The following GNA14 variants were observed in gnomAD, a reference collection of about 807,000 sequenced individuals.
The protein encoded by GNA14 is G protein subunit alpha 14.
Under a neutral mutation model 42.0 loss-of-function variants are expected in GNA14, and 50 were observed. The observed-to-expected ratio is 1.19, with a 90% confidence interval of 0.95 to 1.51. The LOEUF (loss-of-function observed/expected upper bound fraction) is 1.51, where lower values mean the gene tolerates loss of function less well. Among genes scored for constraint, GNA14 ranks in the 40% most tolerant of loss-of-function variants. The pLI is 0.00. For synonymous variants in GNA14, 173 were observed against 163.1 expected (o/e 1.06, Z -0.46); for missense variants, 473 against 446.2 (o/e 1.06, Z -0.54).
At chr9:77,549,280 C>A (rs1837761628) in intron 1 of GNA14, among the ~76,000 whole-genome samples, 1 of 152,158 alleles carries the variant, frequency 6.6e-6, no homozygotes, top group South Asian at 2.1e-4. Context: ...CAACACAAGC[C>A]CTCCCAAGTG....
At chr9:77,613,801 G>A (rs1385426508) in intron 1 of GNA14, among the ~76,000 whole-genome samples, 1 of 152,188 alleles carries the variant, frequency 6.6e-6, no homozygotes, top group African/African-American at 2.4e-5. Flanking sequence ...TGTGCGATGT[G>A]CTAATGATTT....
At chr9:77,537,356 C>A (rs1470796468) in intron 1 of GNA14, among the ~76,000 whole-genome samples, 2 of 152,120 alleles carry the variant, frequency 1.3e-5, no homozygotes, top group African/African-American at 4.8e-5. Flanking sequence ...CCTGGCTTAT[C>A]CCACTTAACA....
chr9:77,603,958 A>C (rs1484933793), intron 1 of GNA14, among the ~76,000 whole-genome samples: 21 of 22,184 alleles, frequency 9.5e-4, no homozygotes, highest in East Asian at 7.8e-3. Flanking sequence ...AAAAAAAACA[A>C]AAAAAAAAAA....
chr9:77,457,787 A>C (rs1836029253), intron 2 of GNA14, among the ~76,000 whole-genome samples: 1 of 152,208 alleles, frequency 6.6e-6, no homozygotes, highest in Non-Finnish European at 1.5e-5. Flanking sequence ...GTTTTGTAGT[A>C]GTTCTCCCTC....
chr9:77,539,937 C>A (rs925949787), intron 1 of GNA14, among the ~76,000 whole-genome samples: 10 of 151,876 alleles, frequency 6.6e-5, no homozygotes, highest in African/African-American at 2.4e-4. Context: ...TTCAAATAAC[C>A]AACTTTTCAT....
intron 1 of GNA14, among the ~76,000 whole-genome samples, chr9:77,568,498 AAAAAAAAGAAAG>A (rs1169397494): frequency 6.6e-6 from 1 of 151,996 alleles, no homozygotes; most frequent in African/African-American, 2.4e-5. Context: ...TCTCAAAAAA[AAAAAAAAGAAAG>A]AAAGAAAGAA....
intron 2 of GNA14, among the ~76,000 whole-genome samples, chr9:77,451,524 T>G (rs920146798): frequency 6.6e-6 from 1 of 152,198 alleles, no homozygotes; most frequent in Non-Finnish European, 1.5e-5. Flanking sequence ...CCTGAAAATC[T>G]TGAGGATGAC....
At chr9:77,623,487 G>A (rs1177964555) in intron 1 of GNA14, among the ~76,000 whole-genome samples, 1 of 152,106 alleles carries the variant, frequency 6.6e-6, no homozygotes, top group East Asian at 1.9e-4. Flanking sequence ...TGGCAAGATG[G>A]CTGAATAGGA....
chr9:77,432,247 G>A (rs539614460), intron 3 of GNA14, among the ~76,000 whole-genome samples: 9 of 152,246 alleles, frequency 5.9e-5, no homozygotes, highest in South Asian at 4.1e-4. Context: ...TCCCAGCACC[G>A]CATCAGGGGC....
chr9:77,567,966 T>C (rs1456277255), intron 1 of GNA14, among the ~76,000 whole-genome samples: 2 of 152,210 alleles, frequency 1.3e-5, no homozygotes, highest in East Asian at 1.9e-4. Context: ...TGCCTATGTT[T>C]GGCCCAAAAG....
At chr9:77,546,947 G>C (rs976729095) in intron 1 of GNA14, among the ~76,000 whole-genome samples, 3 of 152,138 alleles carry the variant, frequency 2.0e-5, no homozygotes, top group Non-Finnish European at 2.9e-5. Context: ...AGCATCCTTT[G>C]CATTCTCCAG....
At chr9:77,587,835 G>A (rs777264527) in intron 1 of GNA14, among the ~76,000 whole-genome samples, 1 of 152,134 alleles carries the variant, frequency 6.6e-6, no homozygotes, top group African/African-American at 2.4e-5. Context: ...ATACACACAC[G>A]AATTTATTCT....
rs758424460 is a variant in GNA14, at chr9:77,429,070, G to A, written c.594-34C>T. On this transcript the variant is annotated intron_variant, in intron 4 of 6. Transcript: ENST00000341700. ...TAGAAACACAGATCCTTCAAAGGTTGGAATACATGACACTTCGGGGAAAAA... is the reference window on the plus strand; with the variant it reads ...TAGAAACACAGATCCTTCAAAGGTTAGAATACATGACACTTCGGGGAAAAA... The A allele has an allele frequency of 2.5e-6, 4 of 1,609,976 alleles. No individual in the cohort carries two copies. In the African/African-American group the frequency reaches 4.0e-5, roughly 16 times the overall value.
rs978256004 is a variant in GNA14, at chr9:77,546,309, G to A, written c.125-17056C>T. The stretch of plus-strand genomic sequence containing the variant: ...GGGCTTTTTCTTAGCATTTAATTCA[G>A]AGCGGCCTCTCCCAATATAAATGAA... On this transcript the variant is annotated intron_variant, in intron 1 of 6. Coordinates refer to ENST00000341700, the MANE Select transcript of GNA14 (RefSeq NM_004297.4). Among the ~76,000 whole-genome samples the A allele has an allele frequency of 3.4e-5, 5 of 148,608 alleles. No homozygotes were observed. The Admixed American group carries it at 3.4e-4, about 10-fold the overall frequency.
intron 1 of GNA14, among the ~76,000 whole-genome samples, chr9:77,609,674 G>A (rs1823699207): frequency 6.6e-6 from 1 of 152,058 alleles, no homozygotes; most frequent in South Asian, 2.1e-4. Flanking sequence ...TGATTCCTGG[G>A]GAGAAAACAC....
intron 2 of GNA14, among the ~76,000 whole-genome samples, chr9:77,463,708 TG>T (rs1436867340): frequency 5.3e-5 from 8 of 152,184 alleles, no homozygotes; most frequent in Non-Finnish European, 8.8e-5. Flanking sequence ...CAGGAGTGGC[TG>T]GTGGCAGAAT....
At chr9:77,470,915 A>G (rs1426821881) in intron 2 of GNA14, among the ~76,000 whole-genome samples, 1 of 152,166 alleles carries the variant, frequency 6.6e-6, no homozygotes, top group African/African-American at 2.4e-5. Context: ...TCACTTTCAC[A>G]AGAACAGCAA....
At chr9:77,565,646 T>C (rs1250633701) in intron 1 of GNA14, among the ~76,000 whole-genome samples, 1 of 152,082 alleles carries the variant, frequency 6.6e-6, no homozygotes, top group Non-Finnish European at 1.5e-5. Context: ...TTAGTAGAGA[T>C]GGGATTTCAC....
rs182444623 is a variant in GNA14, at chr9:77,536,168, A to G, written c.125-6915T>C. On this transcript the variant is annotated intron_variant, in intron 1 of 6. Coordinates refer to ENST00000341700, the MANE Select transcript of GNA14 (RefSeq NM_004297.4). ...TCTAGGCAACAGAGAACTGGAAACA[A>G]TTGGAGACAGGGTTCATGGCTGCTG... is the stretch of plus-strand genomic sequence containing the variant. 5.9e-5 allele frequency among the ~76,000 whole-genome samples: 9 copies of G among 152,304 alleles called. No homozygotes were observed. In the East Asian group the frequency reaches 1.5e-3, roughly 26 times the overall value.
Sources: allele counts gnomAD v4.1 joint callset (sites outside exome capture counted in the v4.1 genomes callset), GRCh38; gene constraint gnomAD v4.1.1; transcripts MANE v1.5; gene names NCBI Gene and HGNC (gene_info 2026-07-23, HGNC 2026-07-21).